MYO3A: variants seen among roughly 807,000 people sequenced by gnomAD.
MYO3A encodes the protein myosin-IIIa.
MYO3A carries 180 observed loss-of-function variants against 192.7 expected under a neutral mutation model. The observed-to-expected ratio is 0.93, with a 90% CI of 0.83 to 1.06. The LOEUF (loss-of-function observed/expected upper bound fraction) is 1.06, where lower values mean the gene tolerates loss of function less well. Ranked by LOEUF, MYO3A falls within the 50% of genes least tolerant of loss-of-function variation. MYO3A has a pLI of 0.00. For synonymous variants in MYO3A, 628 were observed against 645.3 expected (o/e 0.97, Z 0.41); for missense variants, 1,896 against 1,905.0 (o/e 1.00, Z 0.09).
chr10:26,120,809 T>TTTA lies in MYO3A; in HGVS notation c.1903+11_1903+13dup. ...CATACAGCCCTGGAGAACTGTAAGT[T>TTTA]TTATTACCTTCTATTCAAAACTGAA... On this transcript the variant is annotated splice_region_variant and intron_variant, in intron 18 of 34. Coordinates refer to ENST00000642920, the MANE Select transcript of MYO3A (RefSeq NM_017433.5). The TTTA allele has an allele frequency of 6.2e-7, 1 of 1,613,938 alleles. No individual in the cohort carries two copies. The highest frequency in any genetic ancestry group is 1.1e-5 in the South Asian group (1 of 91,070).
chr10:26,156,033 T>C (rs1841088705), intron 25 of MYO3A, among the ~76,000 whole-genome samples: 1 of 152,234 alleles, frequency 6.6e-6, no homozygotes, highest in Admixed American at 6.5e-5. Flanking sequence ...AACACTATGC[T>C]TTAGTCCCTC....
intron 17 of MYO3A, among the ~76,000 whole-genome samples, chr10:26,112,571 G>A (rs1838254897): frequency 1.3e-5 from 2 of 152,152 alleles, no homozygotes; most frequent in East Asian, 1.9e-4. Context: ...GTTTACTGCA[G>A]CACAATTTGA....
chr10:26,209,396 CT>C (rs1235163544), intron 34 of MYO3A, among the ~76,000 whole-genome samples: 2 of 152,186 alleles, frequency 1.3e-5, no homozygotes, highest in African/African-American at 4.8e-5. Flanking sequence ...CAATCCCCCC[CT>C]ACAACCACCC....
At position 25,997,164 on chromosome 10, in the gene MYO3A, T is replaced by G; in HGVS notation, c.414T>G (p.Leu138=). The change falls in exon 6 of 35, where the codon CTT becomes CTG. Residue 138 remains leucine (L), a synonymous_variant. Coordinates refer to ENST00000642920, the MANE Select transcript of MYO3A (RefSeq NM_017433.5). Reference sequence around the variant, plus strand: ...ATATATTTCTTATCTTCTAGGGACTTCAACATTTGCATAACAACAAAACTA... The same window carrying G: ...ATATATTTCTTATCTTCTAGGGACTGCAACATTTGCATAACAACAAAACTA... ...AYILHEALMG[L]QHLHNNKTIH... is the part of the protein sequence containing the mutation. The G allele has an allele frequency of 6.2e-7, 1 of 1,612,298 alleles. No individual in the cohort carries two copies. The highest frequency in any genetic ancestry group is 8.5e-7 in the Non-Finnish European group (1 of 1,178,538).
intron 10 of MYO3A, among the ~76,000 whole-genome samples, chr10:26,051,913 T>C (rs1386635722): frequency 6.6e-6 from 1 of 152,156 alleles, no homozygotes; most frequent in African/African-American, 2.4e-5. Flanking sequence ...TATCTGATCC[T>C]TTACATAAAA....
chr10:26,021,230 T>G (rs1283922803), intron 7 of MYO3A, among the ~76,000 whole-genome samples: 1 of 152,198 alleles, frequency 6.6e-6, no homozygotes, highest in Non-Finnish European at 1.5e-5. Flanking sequence ...ACACGATTTC[T>G]TTCCTCTTTT....
In MYO3A at chr10:26,173,727, C is replaced by A; in HGVS notation, c.3463C>A (p.Pro1155Thr). Reference protein sequence around the residue: ...ISANERFISAPNNKGSVSVVK... With the variant: ...ISANERFISATNNKGSVSVVK... ...TGCTAATGAAAGATTCATTTCAGCT[C>A]CAAATAATAAAGGAAGTGTATCTGT... is the stretch of plus-strand genomic sequence containing the variant. Residue 1155 changes from proline (P) to threonine (T), a missense_variant, in exon 30 of 35, where the codon CCA becomes ACA. Pro to Thr is a conservative substitution (Grantham distance 38). Transcript: ENST00000642920. 1 of 1,613,902 alleles carries A rather than the reference C, an allele frequency of 6.2e-7. No individual in the cohort carries two copies. The highest frequency in any genetic ancestry group is 1.1e-5 in the South Asian group (1 of 91,038).
chr10:26,073,411 T>C (rs1835333672), intron 14 of MYO3A, among the ~76,000 whole-genome samples: 1 of 151,690 alleles, frequency 6.6e-6, no homozygotes. Context: ...GTACTAAAAA[T>C]ACAAAAAATT....
chr10:26,009,730 C>T (rs1478195972), intron 6 of MYO3A, among the ~76,000 whole-genome samples: 1 of 152,200 alleles, frequency 6.6e-6, no homozygotes, highest in Non-Finnish European at 1.5e-5. Context: ...GAGGACTTTA[C>T]TTATATTTTT....
At position 25,947,389 on chromosome 10, in the gene MYO3A, CTT is replaced by C. The variant is rs869281200; in HGVS notation, c.-17-4685_-17-4684del. ...AGATGGTATTATTTCTTTTCTTTTT[CTT>C]TTTTTTTTTTTTTTTTTTTGAGACA... is the stretch of plus-strand genomic sequence containing the variant. On this transcript the variant is annotated intron_variant, in intron 2 of 34. Transcript: ENST00000642920. 7.6e-3 allele frequency among the ~76,000 whole-genome samples: 696 copies of C among 91,866 alleles called. 1 individual carries two copies. Among genetic ancestry groups the C allele is most frequent in the Middle Eastern group, 0.032 (4 of 126 alleles). 60.3% of individuals were successfully genotyped at this position (91,866 alleles called of 152,430 possible). A position where few individuals can be genotyped will look rare whatever the true frequency, so the allele number is the denominator to read the frequency against.
chr10:26,062,530 A>AAAAAAAAAAAAAAAAAACAAAAAAAAACG (rs1554816581), intron 10 of MYO3A, among the ~76,000 whole-genome samples: 2 of 126,010 alleles, frequency 1.6e-5, no homozygotes, highest in East Asian at 2.0e-4. Flanking sequence ...AAAAAAAAAA[A>AAAAAAAAAAAAAAAAAACAAAAAAAAACG]AAATTATGGA....
intron 29 of MYO3A, among the ~76,000 whole-genome samples, chr10:26,171,711 G>C (rs1044975853): frequency 1.3e-5 from 2 of 152,130 alleles, no homozygotes; most frequent in Non-Finnish European, 2.9e-5. Context: ...GACATCACAG[G>C]CCTGCCTCAG....
intron 10 of MYO3A, among the ~76,000 whole-genome samples, chr10:26,051,541 A>G (rs1421999571): frequency 1.4e-5 from 2 of 142,200 alleles, no homozygotes; most frequent in Non-Finnish European, 3.1e-5. Flanking sequence ...TCTTTAATAC[A>G]TATATATATT....
intron 32 of MYO3A, among the ~76,000 whole-genome samples, chr10:26,195,741 A>G (rs1233493840): frequency 6.6e-6 from 1 of 152,206 alleles, no homozygotes; most frequent in African/African-American, 2.4e-5. Context: ...TTCATGATCA[A>G]AACACCCTCA....
intron 18 of MYO3A, among the ~76,000 whole-genome samples, chr10:26,123,995 G>C (rs1043939277): frequency 9.2e-5 from 14 of 151,656 alleles, no homozygotes; most frequent in Non-Finnish European, 1.9e-4. Flanking sequence ...GCCAGCCTGG[G>C]CAACATGGCG....
chr10:26,089,462 G>C (rs1175457561), intron 15 of MYO3A, among the ~76,000 whole-genome samples: 1 of 151,942 alleles, frequency 6.6e-6, no homozygotes, highest in East Asian at 1.9e-4. Context: ...TTAGCCGGGC[G>C]TGGTGGTGGG....
chr10:25,996,979 T>G (rs1840487055), intron 5 of MYO3A, among the ~76,000 whole-genome samples, 180 bp from the exon 6 acceptor site: 1 of 152,246 alleles, frequency 6.6e-6, no homozygotes, highest in Non-Finnish European at 1.5e-5. Flanking sequence ...CTGTGAATTT[T>G]TATATAATTC....
At chr10:26,105,439 A>G (rs1428768408) in intron 17 of MYO3A, among the ~76,000 whole-genome samples, 1 of 152,090 alleles carries the variant, frequency 6.6e-6, no homozygotes, top group East Asian at 1.9e-4. Context: ...AAATTTGCGT[A>G]TCCTTGACAA....
intron 17 of MYO3A, among the ~76,000 whole-genome samples, chr10:26,103,261 G>C (rs929493578): frequency 1.2e-4 from 18 of 152,310 alleles, no homozygotes; most frequent in African/African-American, 2.2e-4. Flanking sequence ...GGGTGGGAGT[G>C]TCCCGATTTT....
Sources: gnomAD v4.1 joint callset for allele counts (sites outside exome capture counted in the v4.1 genomes callset) on GRCh38, gnomAD v4.1.1 for gene constraint, MANE v1.5 for transcripts, NCBI Gene and HGNC (gene_info 2026-07-23, HGNC 2026-07-21) for gene names.